The following GPM6A variants were observed in gnomAD, a reference collection of about 807,000 sequenced individuals.
GPM6A encodes neuronal membrane glycoprotein M6-a.
A neutral mutation model predicts 32.1 loss-of-function variants in GPM6A; 7 were observed. The ratio of observed to expected loss-of-function variants is 0.22; its 90% CI spans 0.12 to 0.41. The LOEUF is 0.41. GPM6A is among the 10% of genes least tolerant of loss of function. GPM6A has a pLI of 1.00. For missense variants in GPM6A, 235 were observed against 347.2 expected (o/e 0.68, Z 2.57); for synonymous variants, 130 against 123.4 (o/e 1.05, Z -0.35).
At chr4:175,840,983 A>G (rs994998426) in intron 1 of GPM6A, among the ~76,000 whole-genome samples, 1 of 152,226 alleles carries the variant, frequency 6.6e-6, no homozygotes, top group Non-Finnish European at 1.5e-5. Flanking sequence ...CTTATTACTT[A>G]CTTATTATCC....
At chr4:175,738,429 G>A (rs573638389) in intron 1 of GPM6A, among the ~76,000 whole-genome samples, 74 of 152,078 alleles carry the variant, frequency 4.9e-4, no homozygotes, top group African/African-American at 1.7e-3. Flanking sequence ...TTCTCTTGGT[G>A]GCACTAATTT....
chr4:175,846,826 C>T (rs996351463), intron 1 of GPM6A, among the ~76,000 whole-genome samples: 1 of 151,974 alleles, frequency 6.6e-6, no homozygotes, highest in African/African-American at 2.4e-5. Context: ...GATCTTGCTC[C>T]TGCTTATTCA....
chr4:175,940,209 C>T (rs776328275), intron 1 of GPM6A, among the ~76,000 whole-genome samples: 6 of 152,110 alleles, frequency 3.9e-5, no homozygotes, highest in Non-Finnish European at 7.4e-5. Flanking sequence ...TGTATCTTCT[C>T]ATGTTAGCCA....
chr4:175,737,262 A>T (rs1560905237), intron 1 of GPM6A, among the ~76,000 whole-genome samples: 1 of 152,134 alleles, frequency 6.6e-6, no homozygotes, highest in Non-Finnish European at 1.5e-5. Context: ...AAAGAGGTTT[A>T]TGTGGCTCAT....
intron 1 of GPM6A, among the ~76,000 whole-genome samples, chr4:175,997,561 T>A (rs1741347733): frequency 6.6e-6 from 1 of 152,014 alleles, no homozygotes; most frequent in Non-Finnish European, 1.5e-5. Context: ...GGAAACAGGA[T>A]CCCAGAGATT....
intron 1 of GPM6A, among the ~76,000 whole-genome samples, chr4:175,731,243 A>C (rs773671558): frequency 2.6e-5 from 4 of 152,148 alleles, no homozygotes; most frequent in African/African-American, 4.8e-5. Flanking sequence ...CTCTCACTGC[A>C]GCCGATAGAC....
chr4:175,839,351 G>A (rs140335492), intron 1 of GPM6A, among the ~76,000 whole-genome samples: 30 of 150,742 alleles, frequency 2.0e-4, no homozygotes, highest in Middle Eastern at 3.4e-3. Context: ...AGGCAATAAC[G>A]AAGAGGATTA....
chr4:175,932,558 T>C (rs769001662), intron 1 of GPM6A, among the ~76,000 whole-genome samples: 9 of 152,170 alleles, frequency 5.9e-5, no homozygotes, highest in Non-Finnish European at 1.2e-4. Flanking sequence ...TAAGACAATA[T>C]CTTAAAGGCA....
Position 175,639,666 on chromosome 4 carries a change from AT to A in GPM6A, c.684+462del, listed in dbSNP as rs1297431491. ...GAAGATCTAAAGACTGGCTCTTAAT[AT>A]TTCTGAAGCAAATTAGATATAGAAG... On this transcript the variant is annotated intron_variant, in intron 6 of 6. Coordinates refer to ENST00000393658, the MANE Select transcript of GPM6A (RefSeq NM_201591.3). Among the ~76,000 whole-genome samples, 3 of 152,256 alleles carry A rather than the reference AT, an allele frequency of 2.0e-5. No individual in the cohort carries two copies. In the East Asian group the frequency reaches 5.8e-4, roughly 29 times the overall value.
intron 1 of GPM6A, among the ~76,000 whole-genome samples, chr4:175,835,130 T>C (rs1420747584): frequency 6.6e-6 from 1 of 152,214 alleles, no homozygotes; most frequent in East Asian, 1.9e-4. Flanking sequence ...AGTTCAGAAA[T>C]CCCCAATAAG....
intron 1 of GPM6A, among the ~76,000 whole-genome samples, chr4:175,880,677 G>A (rs1306394397): frequency 3.9e-5 from 6 of 152,056 alleles, no homozygotes; most frequent in African/African-American, 7.2e-5. Flanking sequence ...CTCATGATTT[G>A]GCTCTCTGTT....
intron 4 of GPM6A, chr4:175,642,043 G>T (rs1038772638): frequency 3.3e-5 from 5 of 152,044 alleles, no homozygotes; most frequent in Admixed American, 1.3e-4. Flanking sequence ...GCTTTATGGG[G>T]TGTCATCAAC....
rs557184207 is a variant in GPM6A at position 175,841,274 on chromosome 4, T to C, written c.-22-29025A>G. On this transcript the variant is annotated intron_variant, in intron 1 of 7. Transcript: ENST00000280187. ...TAATTTGAGAGTAACATACATTTTA[T>C]AAGCTTAAAATTGGAAATGGATTCT... Among the ~76,000 whole-genome samples, 128 of 152,306 alleles carry C rather than the reference T, an allele frequency of 8.4e-4. 1 individual carries two copies. The highest frequency in any genetic ancestry group is 3.0e-3 in the African/African-American group (124 of 41,576).
intron 2 of GPM6A, among the ~76,000 whole-genome samples, chr4:175,691,640 A>G (rs1744304770): frequency 6.6e-6 from 1 of 152,178 alleles, no homozygotes; most frequent in African/African-American, 2.4e-5. Flanking sequence ...AGATATCATG[A>G]TCGATTTTAC....
chr4:175,920,264 T>C (rs1738622892), intron 1 of GPM6A, among the ~76,000 whole-genome samples: 1 of 152,220 alleles, frequency 6.6e-6, no homozygotes, highest in Non-Finnish European at 1.5e-5. Flanking sequence ...AATGTTTAAT[T>C]GATCCCACCT....
chr4:175,748,434 A>G (rs1328527415), intron 1 of GPM6A, among the ~76,000 whole-genome samples: 2 of 152,212 alleles, frequency 1.3e-5, no homozygotes, highest in Admixed American at 6.5e-5. Context: ...GCATGAAAAC[A>G]TTAATTGCCT....
chr4:175,735,907 A>G (rs528167178), intron 1 of GPM6A, among the ~76,000 whole-genome samples: 1 of 152,280 alleles, frequency 6.6e-6, no homozygotes, highest in South Asian at 2.1e-4. Flanking sequence ...TAAATGTCAT[A>G]TGTCTAGAGT....
At chr4:175,684,285 T>A (rs1560873425) in intron 2 of GPM6A, among the ~76,000 whole-genome samples, 1 of 152,170 alleles carries the variant, frequency 6.6e-6, no homozygotes, top group Non-Finnish European at 1.5e-5. Flanking sequence ...TATGCAACTT[T>A]AAAAAAAGAG....
intron 1 of GPM6A, among the ~76,000 whole-genome samples, chr4:175,884,832 C>A (rs756110538): frequency 6.6e-6 from 1 of 152,082 alleles, no homozygotes; most frequent in Non-Finnish European, 1.5e-5. Flanking sequence ...CCGTGCCAGG[C>A]CAATTATTTT....
Sources: allele counts gnomAD v4.1 joint callset (sites outside exome capture counted in the v4.1 genomes callset), GRCh38; gene constraint gnomAD v4.1.1; transcripts MANE v1.5; gene names NCBI Gene and HGNC (gene_info 2026-07-23, HGNC 2026-07-21).